Variants in B3GLCT observed in about 807,000 individuals in gnomAD.
The protein encoded by B3GLCT is beta-1,3-glucosyltransferase.
Under a neutral mutation model 63.4 loss-of-function variants are expected in B3GLCT, and 65 were observed. That is an observed-to-expected ratio of 1.03 (90% CI 0.84 to 1.26). B3GLCT has a LOEUF of 1.26. Ranked by LOEUF, B3GLCT falls within the 50% of genes most tolerant of loss-of-function variation. The pLI is 0.00. For missense variants in B3GLCT, 577 were observed against 604.8 expected (o/e 0.95, Z 0.48); for synonymous variants, 233 against 219.2 (o/e 1.06, Z -0.55).
chr13:31,293,124 T>G (rs1343048465), intron 12 of B3GLCT, among the ~76,000 whole-genome samples: 2 of 152,244 alleles, frequency 1.3e-5, no homozygotes, highest in African/African-American at 4.8e-5. Flanking sequence ...TTGAGTGAGT[T>G]TCTTAAATCC....
chr13:31,257,709 A>G (rs1218298459), intron 6 of B3GLCT, among the ~76,000 whole-genome samples: 3 of 152,076 alleles, frequency 2.0e-5, no homozygotes, highest in Non-Finnish European at 4.4e-5. Context: ...TAAATAATAG[A>G]GAGTGAGGTG....
At chr13:31,274,381 CAA>C in intron 8 of B3GLCT, 126 bp from the exon 9 acceptor site, 1 of 1,231,012 alleles carries the variant, frequency 8.1e-7, no homozygotes, top group Non-Finnish European at 1.2e-6. Flanking sequence ...TGAATACTGA[CAA>C]ATTGATATGG....
chr13:31,282,656 A>AC (rs1382626582), intron 10 of B3GLCT, among the ~76,000 whole-genome samples: 1 of 151,840 alleles, frequency 6.6e-6, no homozygotes, highest in Non-Finnish European at 1.5e-5. Context: ...TCTCAAAAAA[A>AC]AAAAAAAAAA....
At chr13:31,244,453 T>C (rs1871101426) in intron 4 of B3GLCT, among the ~76,000 whole-genome samples, 1 of 152,130 alleles carries the variant, frequency 6.6e-6, no homozygotes, top group South Asian at 2.1e-4. Flanking sequence ...GATTGCGCCA[T>C]TGCACTACAG....
At chr13:31,231,877 C>T (rs1870398220) in intron 4 of B3GLCT, among the ~76,000 whole-genome samples, 1 of 152,162 alleles carries the variant, frequency 6.6e-6, no homozygotes, top group African/African-American at 2.4e-5. Flanking sequence ...GGCCCAGGTA[C>T]AAGAGCACTG....
chr13:31,223,778 T>G (rs576906879), intron 3 of B3GLCT, among the ~76,000 whole-genome samples: 1 of 152,172 alleles, frequency 6.6e-6, no homozygotes, highest in Non-Finnish European at 1.5e-5. Context: ...AGCCAGGACC[T>G]GGACACCAGT....
intron 12 of B3GLCT, among the ~76,000 whole-genome samples, chr13:31,294,670 G>T (rs1057309639): frequency 6.6e-6 from 1 of 152,104 alleles, no homozygotes. Context: ...GGTTATTTCT[G>T]TTCTTCTCTA....
intron 14 of B3GLCT, among the ~76,000 whole-genome samples, chr13:31,328,862 A>C (rs1875771074): frequency 6.6e-6 from 1 of 152,140 alleles, no homozygotes; most frequent in South Asian, 2.1e-4. Context: ...CTAACTTCTA[A>C]AAAATTTTGC....
At chr13:31,244,764 T>G (rs1412108770) in intron 4 of B3GLCT, among the ~76,000 whole-genome samples, 2 of 152,156 alleles carry the variant, frequency 1.3e-5, no homozygotes, top group Non-Finnish European at 1.5e-5. Flanking sequence ...TATATGTGTG[T>G]ATATGTATAT....
chr13:31,291,519 C>G (rs1336671634), intron 12 of B3GLCT, among the ~76,000 whole-genome samples: 1 of 152,066 alleles, frequency 6.6e-6, no homozygotes, highest in African/African-American at 2.4e-5. Flanking sequence ...GTTTGTAGTT[C>G]TCCTTGAAGA....
At chr13:31,229,876 TTG>T (rs1870294123) in intron 4 of B3GLCT, among the ~76,000 whole-genome samples, 1 of 150,768 alleles carries the variant, frequency 6.6e-6, no homozygotes, top group Non-Finnish European at 1.5e-5. Context: ...AACTATATAA[TTG>T]TGTGGGGCAA....
chr13:31,240,851 A>C (rs937480714), intron 4 of B3GLCT, among the ~76,000 whole-genome samples: 1 of 152,234 alleles, frequency 6.6e-6, no homozygotes, highest in Admixed American at 6.5e-5. Flanking sequence ...ATGCAAATTT[A>C]TCGACCCATT....
At position 31,208,619 on chromosome 13, in the gene B3GLCT, GCC is replaced by G. The variant is rs11377541; in HGVS notation, c.71-6421_71-6420del. Among the ~76,000 whole-genome samples, 77 of 71,006 alleles carry G rather than the reference GCC, an allele frequency of 1.1e-3. 2 individuals carry two copies. In the East Asian group the frequency reaches 0.019, roughly 17 times the overall value. The allele number at this position is 71,006 out of a possible 152,430, so 46.6% of individuals were successfully genotyped here. ...GCCTGCAGCTTCTGCTTCTTTAGTG[GCC>G]CCCCCCCCCCGCTCACTGCCACCTT... On this transcript the variant is annotated intron_variant, in intron 1 of 14. Coordinates refer to ENST00000343307, the MANE Select transcript of B3GLCT (RefSeq NM_194318.4).
chr13:31,293,491 T>G (rs1873782549), intron 12 of B3GLCT, among the ~76,000 whole-genome samples: 2 of 152,228 alleles, frequency 1.3e-5, no homozygotes, highest in Non-Finnish European at 2.9e-5. Context: ...GCTCCGGTAT[T>G]GGGTGCATAT....
Position 31,297,465 on chromosome 13 carries a change from C to A in B3GLCT, c.1064+10646C>A, listed in dbSNP as rs143521703. 1.1e-3 allele frequency among the ~76,000 whole-genome samples: 154 copies of A among 145,828 alleles called. 2 individuals are homozygous for A. The East Asian group carries it at 0.011, about 11-fold the overall frequency. On this transcript the variant is annotated intron_variant, in intron 12 of 14. Coordinates refer to ENST00000343307, the MANE Select transcript of B3GLCT (RefSeq NM_194318.4). ...TAATGATTAGTTGGTTAGGAAAAAA[C>A]TGAGCTATTTTCCCCTCTGTTCTCA...
At chr13:31,229,963 ATAAT>A (rs1393390122) in intron 4 of B3GLCT, among the ~76,000 whole-genome samples, 1 of 152,128 alleles carries the variant, frequency 6.6e-6, no homozygotes, top group East Asian at 1.9e-4. Context: ...TAAAATAGAG[ATAAT>A]TAATGTTCAA....
chr13:31,311,896 A>G (rs943992690), intron 12 of B3GLCT, among the ~76,000 whole-genome samples: 2 of 152,244 alleles, frequency 1.3e-5, no homozygotes, highest in African/African-American at 2.4e-5. Flanking sequence ...TATACTTAAT[A>G]TATAATTTTA....
rs1199282536 is a variant in B3GLCT at position 31,247,940 on chromosome 13, A to G, written c.433A>G (p.Thr145Ala). 1 of 1,605,856 alleles carries G rather than the reference A, an allele frequency of 6.2e-7. No homozygotes were observed. The highest frequency in any genetic ancestry group is 1.7e-5 in the Admixed American group (1 of 60,008). The change falls in exon 6 of 15, where the codon ACC (threonine) becomes GCC (alanine). Residue 145 changes from threonine (T) to alanine (A), a missense_variant. Thr to Ala is a moderately conservative substitution (Grantham distance 58, BLOSUM62 0). Transcript: ENST00000343307. ...TRIQIPKLLE[T>A]LRRYDPSKEW... ...AATACAGATTCCAAAACTCTTGGAA[A>G]CCCTCAGAAGATATGACCCCTCTAA...
chr13:31,265,018 T>C (rs1872220485), intron 7 of B3GLCT, among the ~76,000 whole-genome samples: 1 of 152,194 alleles, frequency 6.6e-6, no homozygotes, highest in Admixed American at 6.5e-5. Flanking sequence ...TGGTTCCTCT[T>C]GTGGTTTCAA....
Sources: allele counts gnomAD v4.1 joint callset (sites outside exome capture counted in the v4.1 genomes callset), GRCh38; gene constraint gnomAD v4.1.1; transcripts MANE v1.5; gene names NCBI Gene and HGNC (gene_info 2026-07-23, HGNC 2026-07-21).